SMYD3: variants seen among roughly 807,000 people sequenced by gnomAD.
The protein encoded by SMYD3 is SET and MYND domain containing 3.
Under a neutral mutation model 57.7 loss-of-function variants are expected in SMYD3, and 36 were observed. The observed-to-expected ratio is 0.62, with a 90% CI of 0.48 to 0.82. The LOEUF (loss-of-function observed/expected upper bound fraction) is 0.82. Among genes scored for constraint, SMYD3 ranks in the 40% least tolerant of loss-of-function variants. SMYD3 has a pLI of 0.00. For synonymous variants in SMYD3, 211 were observed against 195.0 expected, an observed-to-expected ratio of 1.08 and a Z score of -0.68; for missense variants, 515 against 538.8, an observed-to-expected ratio of 0.96 and a Z score of 0.44.
At chr1:246,141,086 T>C (rs2061747225) in intron 5 of SMYD3, among the ~76,000 whole-genome samples, 1 of 152,210 alleles carries the variant, frequency 6.6e-6, no homozygotes. Flanking sequence ...TCAACTGCTA[T>C]GTTTTTCTTG....
intron 5 of SMYD3, among the ~76,000 whole-genome samples, chr1:246,240,983 G>A (rs1311115465): frequency 6.6e-6 from 1 of 152,118 alleles, no homozygotes; most frequent in African/African-American, 2.4e-5. Flanking sequence ...AGCTTAAGGA[G>A]ATTTTGGACT....
chr1:246,221,835 G>T (rs1319665805), intron 5 of SMYD3, among the ~76,000 whole-genome samples: 6 of 152,172 alleles, frequency 3.9e-5, no homozygotes, highest in Admixed American at 1.3e-4. Flanking sequence ...GCCTGCCAGG[G>T]CGAGTGGGTG....
intron 1 of SMYD3, among the ~76,000 whole-genome samples, chr1:246,472,250 G>A (rs114021430): frequency 0.01 from 1,595 of 151,958 alleles, 40 homozygotes; most frequent in African/African-American, 0.036. Context: ...TTGATCTTGT[G>A]GAAGAAGAAA....
chr1:246,163,232 G>C (rs2062151556), intron 5 of SMYD3, among the ~76,000 whole-genome samples: 1 of 152,186 alleles, frequency 6.6e-6, no homozygotes, highest in Non-Finnish European at 1.5e-5. Flanking sequence ...CTTGTAGGCT[G>C]TTTGACATTT....
intron 5 of SMYD3, among the ~76,000 whole-genome samples, chr1:245,973,002 T>C (rs1430763430): frequency 6.6e-6 from 1 of 152,236 alleles, no homozygotes; most frequent in Admixed American, 6.5e-5. Context: ...ACTCAATAAA[T>C]AAATGATGTC....
intron 5 of SMYD3, among the ~76,000 whole-genome samples, chr1:246,046,704 T>C (rs900399226): frequency 3.3e-5 from 5 of 149,268 alleles, no homozygotes; most frequent in Non-Finnish European, 5.9e-5. Context: ...AGAAATTTTA[T>C]ATACATATAT....
intron 10 of SMYD3, among the ~76,000 whole-genome samples, chr1:245,852,460 A>C (rs1010030005): frequency 6.6e-6 from 1 of 152,246 alleles, no homozygotes; most frequent in South Asian, 2.1e-4. Context: ...TGGCTGAAGC[A>C]GAGATGTTCT....
At chr1:246,242,251 C>T (rs571091189) in intron 5 of SMYD3, among the ~76,000 whole-genome samples, 117 of 152,314 alleles carry the variant, frequency 7.7e-4, no homozygotes, top group African/African-American at 2.4e-3. Flanking sequence ...TCCCTCTACA[C>T]ACTGCTTTAA....
chr1:246,427,426 A>G (rs1269570615), intron 1 of SMYD3, among the ~76,000 whole-genome samples: 1 of 150,542 alleles, frequency 6.6e-6, no homozygotes. Context: ...AGGCTGAGGC[A>G]GGAGAATGGC....
At chr1:246,001,086 C>T (rs981287526) in intron 5 of SMYD3, among the ~76,000 whole-genome samples, 4 of 152,134 alleles carry the variant, frequency 2.6e-5, no homozygotes, top group African/African-American at 9.7e-5. Context: ...GCGCCCCCGA[C>T]GAGGAGGGAA....
intron 4 of SMYD3, 80 bp from the exon 5 acceptor site, chr1:246,327,417 T>G (rs1325841623): frequency 8.2e-7 from 1 of 1,216,896 alleles, no homozygotes; most frequent in African/African-American, 1.5e-5. Flanking sequence ...ATGCTGGCTG[T>G]TAAACCAGAT....
intron 1 of SMYD3, among the ~76,000 whole-genome samples, chr1:246,500,589 T>C (rs980678856): frequency 1.3e-5 from 2 of 152,170 alleles, no homozygotes; most frequent in East Asian, 3.8e-4. Flanking sequence ...ATTTGGGGAA[T>C]CAGGACCAGT....
At chr1:246,422,290 T>C (rs1185681519) in intron 1 of SMYD3, among the ~76,000 whole-genome samples, 1 of 152,204 alleles carries the variant, frequency 6.6e-6, no homozygotes, top group Non-Finnish European at 1.5e-5. Flanking sequence ...AATAAATAGA[T>C]AAATATATAT....
chr1:246,181,232 C>G (rs1250529099), intron 5 of SMYD3, among the ~76,000 whole-genome samples: 1 of 152,188 alleles, frequency 6.6e-6, no homozygotes, highest in South Asian at 2.1e-4. Context: ...TTACAAATTT[C>G]TAATACAAAT....
intron 5 of SMYD3, among the ~76,000 whole-genome samples, chr1:246,121,613 G>A (rs1289193179): frequency 6.6e-6 from 1 of 152,140 alleles, no homozygotes; most frequent in African/African-American, 2.4e-5. Flanking sequence ...AGAAATAGCA[G>A]TGTTGATTAT....
chr1:246,022,042 A>G (rs1253095285), intron 5 of SMYD3, among the ~76,000 whole-genome samples: 2 of 152,212 alleles, frequency 1.3e-5, no homozygotes, highest in African/African-American at 4.8e-5. Flanking sequence ...ACTAAGAGTG[A>G]GCACTGCTGA....
chr1:246,064,982 C>T (rs1371471187), intron 5 of SMYD3, among the ~76,000 whole-genome samples: 1 of 152,254 alleles, frequency 6.6e-6, no homozygotes, highest in South Asian at 2.1e-4. Context: ...ACTCTGATTA[C>T]TTCACTTACA....
intron 1 of SMYD3, among the ~76,000 whole-genome samples, chr1:246,468,725 C>G (rs914806679): frequency 2.0e-5 from 3 of 152,000 alleles, no homozygotes; most frequent in Non-Finnish European, 2.9e-5. Context: ...GTCTGTAATT[C>G]AACATTTTGG....
intron 5 of SMYD3, among the ~76,000 whole-genome samples, chr1:246,268,684 A>G (rs2064158007): frequency 6.6e-6 from 1 of 152,112 alleles, no homozygotes; most frequent in African/African-American, 2.4e-5. Flanking sequence ...AGCCTGAGTG[A>G]CAGAACGAGA....
Sources: allele counts gnomAD v4.1 joint callset (sites outside exome capture counted in the v4.1 genomes callset), GRCh38; gene constraint gnomAD v4.1.1; transcripts MANE v1.5; gene names NCBI Gene and HGNC (gene_info 2026-07-23, HGNC 2026-07-21).